THRB: variants seen among roughly 807,000 people sequenced by gnomAD.
THRB encodes nuclear receptor subfamily 1 group A member 2.
A neutral mutation model predicts 47.8 loss-of-function variants in THRB; 12 were observed. The ratio of observed to expected loss-of-function variants is 0.25; its 90% confidence interval spans 0.16 to 0.41. The LOEUF (loss-of-function observed/expected upper bound fraction) is 0.41, where lower values mean the gene tolerates loss of function less well. Among genes scored for constraint, THRB ranks in the 10% least tolerant of loss-of-function variants. The pLI, the probability that THRB is intolerant of heterozygous loss-of-function variation, is 1.00. For missense variants in THRB, 348 were observed against 589.2 expected (o/e 0.59, Z 4.24); for synonymous variants, 218 against 212.2 (o/e 1.03, Z -0.24).
chr3:24,141,666 C>G lies in THRB; in HGVS notation c.738+1835G>C, dbSNP rs941369363. Among the ~76,000 whole-genome samples the G allele has an allele frequency of 2.0e-5, 3 of 152,338 alleles. No homozygotes were observed. The South Asian group carries it at 6.2e-4, about 32-fold the overall frequency. ...TCTGGAAAGAAGCACCTTATGACTA[C>G]TTAAACAAGTTTAGTTGGACTAGTA... On this transcript the variant is annotated intron_variant, in intron 8 of 10. Coordinates refer to ENST00000646209, the MANE Select transcript of THRB (RefSeq NM_001354712.2).
At chr3:24,251,433 G>A (rs181472742) in intron 3 of THRB, among the ~76,000 whole-genome samples, 59 of 152,000 alleles carry the variant, frequency 3.9e-4, no homozygotes, top group Admixed American at 1.8e-3. Flanking sequence ...ACAACAAATA[G>A]ATGAACTAGC....
At chr3:24,149,670 G>GTT (rs145639333) in intron 6 of THRB, among the ~76,000 whole-genome samples, 2 of 151,394 alleles carry the variant, frequency 1.3e-5, no homozygotes, top group Admixed American at 1.3e-4. Context: ...TCTTTTTTTT[G>GTT]TTTTTTCTTG....
At chr3:24,279,255 G>A (rs1472968560) in intron 3 of THRB, among the ~76,000 whole-genome samples, 1 of 152,284 alleles carries the variant, frequency 6.6e-6, no homozygotes, top group African/African-American at 2.4e-5. Context: ...TCGCTTGCCT[G>A]AGAGAAAAAT....
At chr3:24,427,904 C>G (rs2069931482) in intron 1 of THRB, among the ~76,000 whole-genome samples, 1 of 151,986 alleles carries the variant, frequency 6.6e-6, no homozygotes, top group African/African-American at 2.4e-5. Context: ...TCAGAAGAGA[C>G]TTAGATTTGA....
chr3:24,145,885 T>G (rs1483194011), intron 7 of THRB, among the ~76,000 whole-genome samples: 1 of 152,196 alleles, frequency 6.6e-6, no homozygotes, highest in Non-Finnish European at 1.5e-5. Flanking sequence ...TGCAAAAAAT[T>G]TATGCCAGTA....
At chr3:24,233,595 G>GAAAGAAAGAAAGAAAGAAAAAGAAAAAT (rs1553658441) in intron 3 of THRB, among the ~76,000 whole-genome samples, 4 of 143,854 alleles carry the variant, frequency 2.8e-5, no homozygotes, top group Admixed American at 6.9e-5. Flanking sequence ...AAGAAAGAAA[G>GAAAGAAAGAAAGAAAGAAAAAGAAAAAT]AAAGAAAGAA....
chr3:24,297,135 G>T (rs1002556657), intron 3 of THRB, 91 bp downstream of exon 3: 2 of 152,224 alleles, frequency 1.3e-5, no homozygotes, highest in Admixed American at 1.3e-4. Flanking sequence ...AATAAGAAGT[G>T]TAAGTGATGA....
At chr3:24,158,939 C>T (rs762281947) in intron 5 of THRB, among the ~76,000 whole-genome samples, 35 of 151,812 alleles carry the variant, frequency 2.3e-4, no homozygotes, top group East Asian at 1.9e-4. Flanking sequence ...TTTTAAAAGA[C>T]GGCATGAATT....
chr3:24,171,649 G>T (rs557263723), intron 5 of THRB, among the ~76,000 whole-genome samples: 3 of 152,034 alleles, frequency 2.0e-5, no homozygotes, highest in Non-Finnish European at 4.4e-5. Flanking sequence ...TTCCCACCTG[G>T]GCCTAGTGTT....
At chr3:24,378,453 T>C (rs1317729994) in intron 1 of THRB, among the ~76,000 whole-genome samples, 2 of 152,168 alleles carry the variant, frequency 1.3e-5, no homozygotes, top group Non-Finnish European at 2.9e-5. Context: ...AAAGAGACTA[T>C]GTTACCTATC....
intron 2 of THRB, among the ~76,000 whole-genome samples, chr3:24,335,501 G>A (rs1392528463): frequency 6.6e-6 from 1 of 152,088 alleles, no homozygotes; most frequent in East Asian, 1.9e-4. Flanking sequence ...CCGAATTTAT[G>A]TTTTCTTTAT....
At chr3:24,442,949 G>A (rs182783701) in intron 1 of THRB, among the ~76,000 whole-genome samples, 8 of 151,836 alleles carry the variant, frequency 5.3e-5, no homozygotes, top group East Asian at 1.9e-4. Context: ...CTGGGAGGCC[G>A]AGGCGGGTGG....
chr3:24,126,943 C>A (rs1418184564), intron 10 of THRB, among the ~76,000 whole-genome samples: 1 of 152,250 alleles, frequency 6.6e-6, no homozygotes, highest in East Asian at 1.9e-4. Context: ...AGAAGTCTAC[C>A]CTGCCGGAGG....
At chr3:24,216,547 G>C (rs1024948063) in intron 4 of THRB, among the ~76,000 whole-genome samples, 1 of 152,098 alleles carries the variant, frequency 6.6e-6, no homozygotes, top group African/African-American at 2.4e-5. Context: ...GGCGGAGCTT[G>C]CAGTGAGCCG....
intron 1 of THRB, among the ~76,000 whole-genome samples, chr3:24,422,508 C>A (rs951008614): frequency 1.3e-5 from 2 of 151,854 alleles, no homozygotes; most frequent in African/African-American, 2.4e-5. Context: ...TTCTGATATT[C>A]CCAGCTAAGT....
chr3:24,321,395 A>AT (rs1175585017), intron 2 of THRB, among the ~76,000 whole-genome samples: 4 of 151,864 alleles, frequency 2.6e-5, no homozygotes, highest in Admixed American at 6.6e-5. Context: ...AATAGTACTA[A>AT]TTTTTTTTAC....
At chr3:24,189,275 CCTTTT>C (rs2043032730) in intron 5 of THRB, among the ~76,000 whole-genome samples, 1 of 151,908 alleles carries the variant, frequency 6.6e-6, no homozygotes, top group Non-Finnish European at 1.5e-5. Context: ...ATAGACCCCC[CCTTTT>C]CTTTTAAAAA....
At chr3:24,285,904 G>T (rs1328581962) in intron 3 of THRB, among the ~76,000 whole-genome samples, 2 of 152,138 alleles carry the variant, frequency 1.3e-5, no homozygotes, top group Non-Finnish European at 2.9e-5. Flanking sequence ...ACATGTTGAA[G>T]CACTAACCCC....
intron 2 of THRB, among the ~76,000 whole-genome samples, chr3:24,302,008 C>T (rs2056977137): frequency 6.6e-6 from 1 of 152,128 alleles, no homozygotes; most frequent in Admixed American, 6.5e-5. Flanking sequence ...CCTTGTGAAG[C>T]CTGTATCAGA....
Sources: allele counts gnomAD v4.1 joint callset (sites outside exome capture counted in the v4.1 genomes callset), GRCh38; gene constraint gnomAD v4.1.1; transcripts MANE v1.5; gene names NCBI Gene and HGNC (gene_info 2026-07-23, HGNC 2026-07-21).